Variants in CTPS2 observed in about 807,000 individuals in gnomAD.
CTPS2 encodes CTP synthase 2.
In CTPS2, 19 loss-of-function variants were observed where a neutral mutation model predicts 46.8. The observed-to-expected ratio is 0.41, with a 90% CI of 0.28 to 0.60. The LOEUF is 0.60. CTPS2 is among the 20% of genes least tolerant of loss of function. The pLI, the probability that CTPS2 is intolerant of heterozygous loss-of-function variation, is 0.35. For synonymous variants in CTPS2, 151 were observed against 165.2 expected (o/e 0.91, Z 0.66); for missense variants, 286 against 447.6 (o/e 0.64, Z 3.26).
intron 8 of CTPS2, among the ~76,000 whole-genome samples, chrX:16,683,766 A>T (rs754082266): frequency 5.3e-5 from 6 of 112,160 alleles, no homozygotes; most frequent in African/African-American, 9.7e-5. Context: ...GACATTGTAT[A>T]AAAAAAATGC....
chrX:16,659,637 A>AT (rs397938433), intron 13 of CTPS2, among the ~76,000 whole-genome samples: 2 of 109,851 alleles, frequency 1.8e-5, no homozygotes, highest in African/African-American at 3.3e-5. Flanking sequence ...AAAAAAAAAA[A>AT]TTGTATATAT....
intron 10 of CTPS2, among the ~76,000 whole-genome samples, chrX:16,675,269 CAAA>C (rs756479055): frequency 1.4e-5 from 1 of 71,447 alleles, no homozygotes. Flanking sequence ...GACTGTGTCT[CAAA>C]AAAAAAAAAA....
chrX:16,710,615 T>TTTG (rs752125009), intron 1 of CTPS2, among the ~76,000 whole-genome samples: 1,246 of 111,575 alleles, frequency 0.011, 15 homozygotes, highest in African/African-American at 0.018. Context: ...TTCTTCCTAC[T>TTTG]TTGTTGTTGT....
rs1474964640 is a variant in CTPS2 at position 16,683,208 on chromosome X, T to A, written c.891A>T (p.Lys297Asn). 2 of 1,208,899 alleles carry A rather than the reference T, an allele frequency of 1.7e-6. No homozygotes were observed. The highest frequency in any genetic ancestry group is 2.2e-6 in the Non-Finnish European group (2 of 894,372). ...TGCCAACCAGGGCTATGGAGCATAT[T>A]TTCTGTAACCTTTCATACCTGGGAA... ...NMADRYERLQ[K>N]ICSIALVGKY... The change falls in exon 9 of 19, where the codon AAA becomes AAT. Residue 297 changes from lysine to asparagine, a missense_variant. Coordinates refer to ENST00000359276, the MANE Select transcript of CTPS2 (RefSeq NM_175859.3).
intron 13 of CTPS2, among the ~76,000 whole-genome samples, chrX:16,655,036 A>G (rs1306046331): frequency 8.9e-6 from 1 of 112,200 alleles, no homozygotes; most frequent in Non-Finnish European, 1.9e-5. Context: ...CTTTTCCACC[A>G]GAATCACCCT....
intron 10 of CTPS2, among the ~76,000 whole-genome samples, chrX:16,677,972 C>T (rs767668682): frequency 9.0e-6 from 1 of 111,710 alleles, no homozygotes; most frequent in African/African-American, 3.2e-5. Context: ...CTTTACTTTC[C>T]TAATAAACTT....
chrX:16,603,513 T>C (rs1280374524), intron 17 of CTPS2, among the ~76,000 whole-genome samples: 1 of 111,089 alleles, frequency 9.0e-6, no homozygotes, highest in Non-Finnish European at 1.9e-5. Flanking sequence ...ACCGTCACTG[T>C]ATCACTCTTT....
At chrX:16,688,368 C>T (rs1337856749) in intron 8 of CTPS2, among the ~76,000 whole-genome samples, 1 of 109,471 alleles carries the variant, frequency 9.1e-6, no homozygotes, top group African/African-American at 3.3e-5. Context: ...CCACTGCACT[C>T]CAGCCTGGGC....
chrX:16,646,567 C>T (rs1345883610), intron 13 of CTPS2, among the ~76,000 whole-genome samples: 1 of 112,485 alleles, frequency 8.9e-6, no homozygotes, highest in African/African-American at 3.2e-5. Flanking sequence ...TCTGAAGGTC[C>T]AGGGAAGGTA....
At chrX:16,705,449 C>T (rs953418543) in intron 1 of CTPS2, among the ~76,000 whole-genome samples, 1 of 111,760 alleles carries the variant, frequency 8.9e-6, no homozygotes, top group Admixed American at 9.6e-5. Context: ...CTGGAAAGAT[C>T]TTTTGATGCA....
At chrX:16,699,224 G>A in intron 2 of CTPS2, 131 bp from the exon 3 acceptor site, 1 of 413,469 alleles carries the variant, frequency 2.4e-6, no homozygotes, top group Non-Finnish European at 4.0e-6. Context: ...TCTCCTTTTT[G>A]GTGGAGATAT....
intron 13 of CTPS2, among the ~76,000 whole-genome samples, chrX:16,640,902 G>A (rs958591995): frequency 1.8e-5 from 2 of 111,550 alleles, no homozygotes; most frequent in Non-Finnish European, 3.8e-5. Context: ...AGAACTTTCC[G>A]AGCCATCTGA....
At chrX:16,644,069 C>A (rs1430983251) in intron 13 of CTPS2, among the ~76,000 whole-genome samples, 1 of 111,292 alleles carries the variant, frequency 9.0e-6, no homozygotes, top group Non-Finnish European at 1.9e-5. Context: ...TAAAGATATC[C>A]GCATCCTAGT....
intron 14 of CTPS2, among the ~76,000 whole-genome samples, chrX:16,622,409 CAAA>C (rs112857824): frequency 6.1e-5 from 5 of 81,421 alleles, no homozygotes; most frequent in Admixed American, 1.4e-4. Flanking sequence ...GATGCTGTCT[CAAA>C]AAAAAAAAAA....
chrX:16,685,300 C>T (rs942978853), intron 8 of CTPS2, among the ~76,000 whole-genome samples: 12 of 111,509 alleles, frequency 1.1e-4, no homozygotes, highest in African/African-American at 3.9e-4. Context: ...GTTACTCCTA[C>T]GGCTCACTCA....
At chrX:16,614,900 C>T (rs971269846) in intron 16 of CTPS2, among the ~76,000 whole-genome samples, 6 of 111,811 alleles carry the variant, frequency 5.4e-5, no homozygotes, top group Non-Finnish European at 7.5e-5. Flanking sequence ...AAATTGGCTG[C>T]GCGTCGTGGC....
intron 13 of CTPS2, among the ~76,000 whole-genome samples, chrX:16,645,149 AC>A (rs1268217569): frequency 2.9e-5 from 3 of 104,522 alleles, no homozygotes; most frequent in African/African-American, 1.1e-4. Flanking sequence ...TGCCCGGCTA[AC>A]TTTTTTTTTT....
chrX:16,701,867 A>G (rs993675810), intron 2 of CTPS2, among the ~76,000 whole-genome samples: 6 of 108,460 alleles, frequency 5.5e-5, no homozygotes, highest in East Asian at 3.0e-4. Context: ...CCAAAGTGCT[A>G]GGATTACAGG....
intron 17 of CTPS2, among the ~76,000 whole-genome samples, chrX:16,591,281 A>G (rs777449897): frequency 4.4e-4 from 49 of 111,541 alleles, no homozygotes; most frequent in Non-Finnish European, 7.5e-4. Flanking sequence ...TGAAAGCCTG[A>G]GTTGATGGAC....
Sources: allele counts gnomAD v4.1 joint callset (sites outside exome capture counted in the v4.1 genomes callset), GRCh38; gene constraint gnomAD v4.1.1; transcripts MANE v1.5; gene names NCBI Gene and HGNC (gene_info 2026-07-23, HGNC 2026-07-21).